Variants in ALPI observed in about 807,000 individuals in gnomAD.
The protein encoded by ALPI is alkaline phosphatase, intestinal, also known as intestinal-type alkaline phosphatase.
A neutral mutation model predicts 51.5 loss-of-function variants in ALPI; 50 were observed. The observed-to-expected ratio is 0.97, with a 90% CI of 0.77 to 1.23. The LOEUF is 1.23. Ranked by LOEUF, ALPI falls within the 50% of genes most tolerant of loss-of-function variation. The pLI is 0.00. For missense variants in ALPI, 692 were observed against 722.4 expected, an observed-to-expected ratio of 0.96 and a Z score of 0.48; for synonymous variants, 322 against 308.2, an observed-to-expected ratio of 1.04 and a Z score of -0.47.
At position 232,459,742 on chromosome 2, in the gene ALPI, C is replaced by G. The variant is rs1053088456; in HGVS notation, c.*596C>G. The G allele has an allele frequency of 3.2e-5, 5 of 154,490 alleles. No homozygotes were observed. The highest frequency in any genetic ancestry group is 9.6e-5 in the African/African-American group (4 of 41,468). 9.6% of individuals were successfully genotyped at this position (154,490 alleles called of 1,614,324 possible). On this transcript the variant is annotated 3_prime_UTR_variant, in exon 11 of 11. Coordinates refer to ENST00000295463, the MANE Select transcript of ALPI (RefSeq NM_001631.5). ...GACACAGTCCTCTGCTGTCTCCCCA[C>G]TAGGATCATTCCACACCCCTGCACC...
Position 232,458,272 on chromosome 2 carries a change from G to A in ALPI, c.1047G>A (p.Glu349=), listed in dbSNP as rs762158730. The A allele has an allele frequency of 1.9e-6, 3 of 1,614,202 alleles. No homozygotes were observed. The highest frequency in any genetic ancestry group is 1.1e-5 in the South Asian group (1 of 91,088). The change falls in exon 9 of 11, where the codon GAG becomes GAA. Residue 349 remains glutamate (E), a synonymous_variant. Transcript: ENST00000295463. ...HEGVAYQALT[E]AVMFDDAIER... ...GTGTGGCTTACCAGGCACTCACTGA[G>A]GCGGTCATGTTCGACGACGCCATTG...
Position 232,459,274 on chromosome 2 carries a change from A to G in ALPI, c.*128A>G. 7.7e-7 allele frequency: 1 copy of G among 1,296,372 alleles called. No individual in the cohort carries two copies. Among genetic ancestry groups the G allele is most frequent in the Non-Finnish European group, 1.0e-6 (1 of 970,672 alleles). The allele number at this position is 1,296,372 out of a possible 1,614,324, so 80.3% of individuals were successfully genotyped here. On this transcript the variant is annotated 3_prime_UTR_variant, in exon 11 of 11. Coordinates refer to ENST00000295463, the MANE Select transcript of ALPI (RefSeq NM_001631.5). ...TTGGACCTTCACCTCCTAGAGATAA[A>G]CCAGCCTCAGCTGGCGCAGCGGGGC... is the stretch of plus-strand genomic sequence containing the variant.
Position 232,456,663 on chromosome 2 carries a change from A to G in ALPI, c.268A>G (p.Met90Val), listed in dbSNP as rs1235358207. The G allele has an allele frequency of 5.6e-6, 9 of 1,610,544 alleles. No homozygotes were observed. The highest frequency in any genetic ancestry group is 7.6e-6 in the Non-Finnish European group (9 of 1,178,480). ...ACTGGGGCCTGAGACGCCCCTGGCC[A>G]TGGACCGCTTCCCATACCTGGCTCT... ...GKLGPETPLA[M>V]DRFPYLALSK... Residue 90 changes from methionine to valine, a missense_variant, in exon 3 of 11, where the codon ATG (methionine) becomes GTG (valine). Met to Val is a conservative substitution (Grantham distance 21, BLOSUM62 1). Coordinates refer to ENST00000295463, the MANE Select transcript of ALPI (RefSeq NM_001631.5). This position sits in a 1 kb window ranked among gnomAD's most constrained non-coding sequence, Gnocchi z 4.2.
In ALPI at chr2:232,458,692, G is replaced by T. The variant is rs1690248347; in HGVS notation, c.1244G>T (p.Gly415Val). Residue 415 changes from glycine to valine, a missense_variant, in exon 10 of 11, where the codon GGC becomes GTC. Coordinates refer to ENST00000295463, the MANE Select transcript of ALPI (RefSeq NM_001631.5). Reference sequence around the variant, plus strand: ...TACACGTCCATCCTGTACGGCAATGGCCCGGGCTACGTGTTCAACTCAGGC... The same window carrying T: ...TACACGTCCATCCTGTACGGCAATGTCCCGGGCTACGTGTTCAACTCAGGC... The part of the protein sequence containing the change: ...KAYTSILYGN[G>V]PGYVFNSGVR... 1 of 1,613,876 alleles carries T rather than the reference G, an allele frequency of 6.2e-7. No homozygotes were observed.
Position 232,457,323 on chromosome 2 carries a change from G to C in ALPI, c.648+1G>C, listed in dbSNP as rs760005844. On this transcript the variant is annotated splice_donor_variant, in intron 5 of 10. Coordinates refer to ENST00000295463, the MANE Select transcript of ALPI (RefSeq NM_001631.5). LOFTEE classifies it high-confidence loss of function. This position sits in a 1 kb window ranked among gnomAD's most constrained non-coding sequence, Gnocchi z 4.7. ...GCTCATCTCCAACATGGACATTGAC[G>C]TGCGACCCCCGGGCCAAGGGCTGGG... 17 of 1,601,608 alleles carry C rather than the reference G, an allele frequency of 1.1e-5. No individual in the cohort carries two copies. In the African/African-American group the frequency reaches 2.0e-4, roughly 19 times the overall value.
In ALPI at chr2:232,457,606, G is replaced by A. The variant is rs144606029; in HGVS notation, c.690G>A (p.Gly230=). The change falls in exon 6 of 11, where the codon GGG becomes GGA. Residue 230 remains glycine (G), a synonymous_variant. Coordinates refer to ENST00000295463, the MANE Select transcript of ALPI (RefSeq NM_001631.5). The surrounding 1 kb of genome is among the most constrained non-coding windows in gnomAD (Gnocchi z 4.7). ...GGGRKYMFPM[G]TPDPEYPADA... is the part of the protein sequence containing the mutation. ...GCCGCAAGTACATGTTTCCCATGGG[G>A]ACCCCAGACCCTGAGTACCCAGCTG... 3 of 1,613,958 alleles carry A rather than the reference G, an allele frequency of 1.9e-6. No homozygotes were observed. The highest frequency in any genetic ancestry group is 1.3e-5 in the African/African-American group (1 of 75,052).
In ALPI at chr2:232,456,652, C is replaced by A. The variant is rs779020997; in HGVS notation, c.257C>A (p.Thr86Lys). ...GQKNGKLGPE[T>K]PLAMDRFPYL... is the part of the protein sequence containing the mutation. ...AAGAATGGCAAACTGGGGCCTGAGA[C>A]GCCCCTGGCCATGGACCGCTTCCCA... Residue 86 changes from threonine to lysine, a missense_variant, in exon 3 of 11, where the codon ACG (threonine) becomes AAG (lysine). Coordinates refer to ENST00000295463, the MANE Select transcript of ALPI (RefSeq NM_001631.5). The surrounding 1 kb of genome is among the most constrained non-coding windows in gnomAD (Gnocchi z 4.2). 1.3e-5 allele frequency: 21 copies of A among 1,611,646 alleles called. No homozygotes were observed. Among genetic ancestry groups the A allele is most frequent in the African/African-American group, 4.0e-5 (3 of 74,766 alleles).
chr2:232,458,786 G>A, intron 10 of ALPI, 38 bp downstream of exon 10: 1 of 1,612,460 alleles, frequency 6.2e-7, no homozygotes, highest in Non-Finnish European at 8.5e-7. Context: ...GGGGACCAGG[G>A]TGCCAGGGAT....
chr2:232,456,687 C>T lies in ALPI; in HGVS notation c.292C>T (p.Leu98=). Residue 98 remains leucine (L), a synonymous_variant, in exon 3 of 11, where the codon CTG becomes TTG. Transcript: ENST00000295463. The surrounding 1 kb of genome is among the most constrained non-coding windows in gnomAD (Gnocchi z 4.2). ...CATGGACCGCTTCCCATACCTGGCT[C>T]TGTCCAAGGTAAGGGCTGGGCCACC... ...LAMDRFPYLA[L]SKTYNVDRQV... The T allele has an allele frequency of 6.2e-7, 1 of 1,602,654 alleles. No homozygotes were observed. Among genetic ancestry groups the T allele is most frequent in the South Asian group, 1.1e-5 (1 of 89,356 alleles).
intron 9 of ALPI, 110 bp from the exon 10 acceptor site, chr2:232,458,522 C>T: frequency 6.6e-7 from 1 of 1,522,508 alleles, no homozygotes; most frequent in Admixed American, 1.9e-5. Context: ...CTATAGGGAT[C>T]TTGTGAGGAC....
At position 232,457,096 on chromosome 2, in the gene ALPI, G is replaced by A; in HGVS notation, c.475+23G>A. ...CAGGTGAGCTGGGGCCCGCTGTGGGGTCAGGACCAGGCCCAAGATCTCGGT... is the reference window on the plus strand; with the variant it reads ...CAGGTGAGCTGGGGCCCGCTGTGGGATCAGGACCAGGCCCAAGATCTCGGT... On this transcript the variant is annotated intron_variant, in intron 4 of 10. Transcript: ENST00000295463. This position sits in a 1 kb window ranked among gnomAD's most constrained non-coding sequence, Gnocchi z 4.7. 2 of 1,613,334 alleles carry A rather than the reference G, an allele frequency of 1.2e-6. No individual in the cohort carries two copies. Among genetic ancestry groups the A allele is most frequent in the Non-Finnish European group, 1.7e-6 (2 of 1,179,936 alleles).
At position 232,459,039 on chromosome 2, in the gene ALPI, G is replaced by C; in HGVS notation, c.1480G>C (p.Asp494His). ...AACLEPYTAC[D>H]LAPPACTTDA... ...CTGTCTGGAGCCCTACACGGCCTGC[G>C]ACCTGGCGCCTCCCGCCTGCACCAC... The change falls in exon 11 of 11, where the codon GAC (aspartate) becomes CAC (histidine). Residue 494 changes from aspartate (D) to histidine (H), a missense_variant. Coordinates refer to ENST00000295463, the MANE Select transcript of ALPI (RefSeq NM_001631.5). 6.4e-7 allele frequency: 1 copy of C among 1,552,500 alleles called. No homozygotes were observed. Among genetic ancestry groups the C allele is most frequent in the South Asian group, 1.2e-5 (1 of 84,496 alleles).
rs1360213869 is a variant in ALPI at position 232,457,412 on chromosome 2, G to A, written c.648+90G>A. The stretch of plus-strand genomic sequence containing the variant: ...GCAACCAAAAGCCTGATCTGGGTCA[G>A]CAGGTTCTGGAGGTGGAGTTGGGGA... On this transcript the variant is annotated intron_variant, in intron 5 of 10. Transcript: ENST00000295463. This position sits in a 1 kb window ranked among gnomAD's most constrained non-coding sequence, Gnocchi z 4.7. The A allele has an allele frequency of 3.9e-6, 6 of 1,552,842 alleles. No individual in the cohort carries two copies. The highest frequency in any genetic ancestry group is 5.2e-6 in the Non-Finnish European group (6 of 1,150,590).
Position 232,456,758 on chromosome 2 carries a change from G to C in ALPI, c.300+63G>C. ...GAGAGGGATCAAGGATATGGAGTGT[G>C]GCAGGAGGGAGGGAGCCAGGACAGC... On this transcript the variant is annotated intron_variant, in intron 3 of 10. Transcript: ENST00000295463. This position sits in a 1 kb window ranked among gnomAD's most constrained non-coding sequence, Gnocchi z 4.2. 7 of 1,546,434 alleles carry C rather than the reference G, an allele frequency of 4.5e-6. No individual in the cohort carries two copies. The highest frequency in any genetic ancestry group is 6.1e-6 in the Non-Finnish European group (7 of 1,144,436).
rs751576029 is a variant in ALPI, at chr2:232,457,734, G to T, written c.783+35G>T. 12 of 1,610,660 alleles carry T rather than the reference G, an allele frequency of 7.5e-6. No homozygotes were observed. The East Asian group carries it at 1.3e-4, about 18-fold the overall frequency. ...GCTGGTGGGTGTGGGAGGCACGGCAGGGGGAGGCCAAGTGTGTGGGTCTCA... is the reference window on the plus strand; with the variant it reads ...GCTGGTGGGTGTGGGAGGCACGGCATGGGGAGGCCAAGTGTGTGGGTCTCA... On this transcript the variant is annotated intron_variant, in intron 6 of 10. Coordinates refer to ENST00000295463, the MANE Select transcript of ALPI (RefSeq NM_001631.5). This position sits in a 1 kb window ranked among gnomAD's most constrained non-coding sequence, Gnocchi z 4.7.
chr2:232,459,821 G>A lies in ALPI; in HGVS notation c.*675G>A, dbSNP rs113958279. 3,926 of 152,818 alleles carry A rather than the reference G, an allele frequency of 0.026. 76 individuals are homozygous for A. The highest frequency in any genetic ancestry group is 0.044 in the Middle Eastern group (13 of 294). The allele number at this position is 152,818 out of a possible 1,614,324, so 9.5% of individuals were successfully genotyped here. ...TGCCCCAAGTCACAGCCACTCAGATGCTTCCTGCCCCCCAGTGCCCATTCC... is the reference window on the plus strand; with the variant it reads ...TGCCCCAAGTCACAGCCACTCAGATACTTCCTGCCCCCCAGTGCCCATTCC... On this transcript the variant is annotated 3_prime_UTR_variant, in exon 11 of 11. Coordinates refer to ENST00000295463, the MANE Select transcript of ALPI (RefSeq NM_001631.5).
rs1025185454 is a variant in ALPI at position 232,457,622 on chromosome 2, T to C, written c.706T>C (p.Tyr236His). The change falls in exon 6 of 11, where the codon TAC (tyrosine) becomes CAC (histidine). Residue 236 changes from tyrosine (Y) to histidine (H), a missense_variant. Tyr to His is a moderately conservative substitution (Grantham distance 83). Transcript: ENST00000295463. This position sits in a 1 kb window ranked among gnomAD's most constrained non-coding sequence, Gnocchi z 4.7. ...MFPMGTPDPE[Y>H]PADASQNGIR... Reference sequence around the variant, plus strand: ...TCCCATGGGGACCCCAGACCCTGAGTACCCAGCTGATGCCAGCCAGAATGG... The same window carrying C: ...TCCCATGGGGACCCCAGACCCTGAGCACCCAGCTGATGCCAGCCAGAATGG... 22 of 1,613,872 alleles carry C rather than the reference T, an allele frequency of 1.4e-5. No homozygotes were observed. Among genetic ancestry groups the C allele is most frequent in the Non-Finnish European group, 1.8e-5 (21 of 1,179,952 alleles).
In ALPI at chr2:232,457,290, G is replaced by T; in HGVS notation, c.616G>T (p.Ala206Ser). ...CCGCCAGGAGGGGTGCCAGGACATC[G>T]CCACTCAGCTCATCTCCAACATGGA... ...SARQEGCQDI[A>S]TQLISNMDID... The change falls in exon 5 of 11, where the codon GCC becomes TCC. Residue 206 changes from alanine (A) to serine (S), a missense_variant. Physicochemically the swap from Ala to Ser is moderately conservative, Grantham distance 99 (BLOSUM62 1). Transcript: ENST00000295463. The surrounding 1 kb of genome is among the most constrained non-coding windows in gnomAD (Gnocchi z 4.7). 6.2e-7 allele frequency: 1 copy of T among 1,612,454 alleles called. No individual in the cohort carries two copies.
chr2:232,456,940 A>G lies in ALPI; in HGVS notation c.342A>G (p.Thr114=). 5.6e-6 allele frequency: 9 copies of G among 1,613,706 alleles called. No homozygotes were observed. Among genetic ancestry groups the G allele is most frequent in the Non-Finnish European group, 7.6e-6 (9 of 1,180,022 alleles). Residue 114 remains threonine, a synonymous_variant, in exon 4 of 11, where the codon ACA becomes ACG. Transcript: ENST00000295463. The surrounding 1 kb of genome is among the most constrained non-coding windows in gnomAD (Gnocchi z 4.2). ...GACAGGTGCCAGACAGCGCAGCCAC[A>G]GCCACGGCCTACCTGTGCGGGGTCA... ...VDRQVPDSAA[T]ATAYLCGVKA... is the part of the protein sequence containing the mutation.
Sources: gnomAD v4.1 joint callset for allele counts on GRCh38, gnomAD v4.1.1 for gene constraint, Gnocchi (gnomAD v3.1) non-coding constraint, MANE v1.5 for transcripts, NCBI Gene and HGNC (gene_info 2026-07-23, HGNC 2026-07-21) for gene names.